LIMS1: variants seen among roughly 807,000 people sequenced by gnomAD.
LIMS1 encodes LIM zinc finger domain containing 1.
In LIMS1, 18 loss-of-function variants were observed where a neutral mutation model predicts 44.1. The ratio of observed to expected loss-of-function variants is 0.41; its 90% CI spans 0.28 to 0.61. The LOEUF (loss-of-function observed/expected upper bound fraction) is 0.61. Ranked by LOEUF, LIMS1 falls within the 20% of genes least tolerant of loss-of-function variation. LIMS1 has a pLI of 0.32. For missense variants in LIMS1, 201 were observed against 422.0 expected, an observed-to-expected ratio of 0.48 and a Z score of 4.59; for synonymous variants, 93 against 149.1, an observed-to-expected ratio of 0.62 and a Z score of 2.74.
chr2:108,619,547 G>C (rs1435697488), intron 1 of LIMS1, among the ~76,000 whole-genome samples: 1 of 152,068 alleles, frequency 6.6e-6, no homozygotes, highest in Non-Finnish European at 1.5e-5. Context: ...AGCTGGGCGT[G>C]GTGGCGCAAA....
At chr2:108,572,901 C>T (rs370805113) in intron 1 of LIMS1, among the ~76,000 whole-genome samples, 13 of 152,288 alleles carry the variant, frequency 8.5e-5, no homozygotes, top group African/African-American at 2.6e-4. Context: ...CTAGAACCCA[C>T]ATAAATTGCA....
chr2:108,556,838 A>G (rs893405), intron 1 of LIMS1, among the ~76,000 whole-genome samples: 54,978 of 152,028 alleles, frequency 0.36, 11,807 homozygotes, highest in East Asian at 0.89. Flanking sequence ...CCTGTTAGCA[A>G]TAATGTGAAC....
At chr2:108,606,678 A>G (rs1040217180) in intron 1 of LIMS1, among the ~76,000 whole-genome samples, 5 of 152,240 alleles carry the variant, frequency 3.3e-5, no homozygotes, top group African/African-American at 1.2e-4. Context: ...AAGTGCAACA[A>G]AATAGATTTG....
chr2:108,583,100 G>A (rs762854298), intron 1 of LIMS1, among the ~76,000 whole-genome samples: 1 of 151,894 alleles, frequency 6.6e-6, no homozygotes, highest in Non-Finnish European at 1.5e-5. Context: ...GTGCAGTGGC[G>A]TGATCTCAGC....
chr2:108,683,250 T>G (rs1281788147), intron 9 of LIMS1, among the ~76,000 whole-genome samples: 1 of 152,186 alleles, frequency 6.6e-6, no homozygotes, highest in Non-Finnish European at 1.5e-5. Context: ...AGTAAGATCA[T>G]GTTGCCTCCA....
chr2:108,664,005 C>T (rs908042803), intron 2 of LIMS1, among the ~76,000 whole-genome samples: 1 of 152,142 alleles, frequency 6.6e-6, no homozygotes, highest in Non-Finnish European at 1.5e-5. Context: ...CCGCTCGCCT[C>T]GTTCTCCCAA....
At chr2:108,609,868 C>T (rs2104749487) in intron 1 of LIMS1, among the ~76,000 whole-genome samples, 1 of 152,104 alleles carries the variant, frequency 6.6e-6, no homozygotes, top group Non-Finnish European at 1.5e-5. Context: ...ATTGGCCGGG[C>T]GCGGTGGCTC....
At chr2:108,682,079 A>G (rs552469996) in intron 9 of LIMS1, among the ~76,000 whole-genome samples, 2 of 152,140 alleles carry the variant, frequency 1.3e-5, no homozygotes, top group Non-Finnish European at 2.9e-5. Flanking sequence ...AAGTATTTCA[A>G]TCTTTGAAAT....
chr2:108,575,939 C>T (rs1374457616), intron 1 of LIMS1, among the ~76,000 whole-genome samples: 1 of 152,114 alleles, frequency 6.6e-6, no homozygotes, highest in Non-Finnish European at 1.5e-5. Flanking sequence ...TTAATAGGCA[C>T]GTGTGCTTGC....
chr2:108,546,323 C>G (rs1204628957), intron 1 of LIMS1, among the ~76,000 whole-genome samples: 1 of 129,822 alleles, frequency 7.7e-6, no homozygotes, highest in East Asian at 2.6e-4. Context: ...GTCCTCGAGG[C>G]TGGAGTGTGT....
At position 108,540,855 on chromosome 2, in the gene LIMS1, G is replaced by A. The variant is rs542932872; in HGVS notation, c.32+6261G>A. ...TGTGGGGTCTCCTCTGCTATATTAC[G>A]TTGGTTTGCTCTGTTACTTTATTCA... is the stretch of plus-strand genomic sequence containing the variant. On this transcript the variant is annotated intron_variant, in intron 1 of 9. Transcript: ENST00000544547. Among the ~76,000 whole-genome samples, 93 of 152,278 alleles carry A rather than the reference G, an allele frequency of 6.1e-4. 1 individual carries two copies. Among genetic ancestry groups the A allele is most frequent in the East Asian group, 4.6e-3 (24 of 5,186 alleles).
At chr2:108,563,288 G>T (rs1685186203) in intron 1 of LIMS1, among the ~76,000 whole-genome samples, 3 of 152,310 alleles carry the variant, frequency 2.0e-5, no homozygotes, top group Admixed American at 2.0e-4. Context: ...AATTGCATAG[G>T]CTATATAGCT....
chr2:108,663,702 T>C (rs1691530856), intron 2 of LIMS1, among the ~76,000 whole-genome samples: 1 of 152,172 alleles, frequency 6.6e-6, no homozygotes, highest in African/African-American at 2.4e-5. Flanking sequence ...GTCCCTTTTT[T>C]CCCATCACAA....
At chr2:108,666,198 T>A (rs544613316) in intron 2 of LIMS1, among the ~76,000 whole-genome samples, 1 of 152,356 alleles carries the variant, frequency 6.6e-6, no homozygotes, top group South Asian at 2.1e-4. Context: ...TCACCTGTCC[T>A]TCTGGCTGAC....
intron 1 of LIMS1, among the ~76,000 whole-genome samples, chr2:108,615,029 G>A (rs1046262450): frequency 6.6e-6 from 1 of 152,114 alleles, no homozygotes; most frequent in African/African-American, 2.4e-5. Flanking sequence ...TTGTAATGAC[G>A]ATTTAGTTTA....
intron 1 of LIMS1, among the ~76,000 whole-genome samples, chr2:108,582,641 G>A (rs558403865): frequency 6.6e-5 from 10 of 152,246 alleles, no homozygotes; most frequent in African/African-American, 2.4e-4. Flanking sequence ...GGTGGCATGT[G>A]CCTGCAGTCC....
At chr2:108,570,845 G>C (rs1326180990) in intron 1 of LIMS1, among the ~76,000 whole-genome samples, 1 of 152,194 alleles carries the variant, frequency 6.6e-6, no homozygotes, top group Non-Finnish European at 1.5e-5. Flanking sequence ...GGGAGGCCAA[G>C]ACCGCTCCTC....
intron 1 of LIMS1, among the ~76,000 whole-genome samples, chr2:108,578,587 A>ATTTTTTTTTTTTT (rs575139291): frequency 9.9e-6 from 1 of 100,792 alleles, no homozygotes; most frequent in Admixed American, 1.3e-4. Context: ...AATGTAAATA[A>ATTTTTTTTTTTTT]TTTTTTTTTT....
At chr2:108,606,837 C>G (rs1217004128) in intron 1 of LIMS1, among the ~76,000 whole-genome samples, 1 of 152,110 alleles carries the variant, frequency 6.6e-6, no homozygotes, top group Non-Finnish European at 1.5e-5. Context: ...ATGGTAGATC[C>G]TGGAAACACA....
Sources: gnomAD v4.1 joint callset for allele counts (sites outside exome capture counted in the v4.1 genomes callset) on GRCh38, gnomAD v4.1.1 for gene constraint, MANE v1.5 for transcripts, NCBI Gene and HGNC (gene_info 2026-07-23, HGNC 2026-07-21) for gene names.